The following ASPRV1 variants were observed in gnomAD, a reference collection of about 807,000 sequenced individuals.
ASPRV1 encodes aspartic peptidase retroviral like 1.
Under a neutral mutation model 11.0 loss-of-function variants are expected in ASPRV1, and 7 were observed. The observed-to-expected ratio is 0.64, with a 90% CI of 0.36 to 1.20. ASPRV1 has a LOEUF of 1.20. Among genes scored for constraint, ASPRV1 ranks in the 50% most tolerant of loss-of-function variants. The pLI, the probability that ASPRV1 is intolerant of heterozygous loss-of-function variation, is 0.02. For missense variants in ASPRV1, 299 were observed against 320.0 expected (o/e 0.93, Z 0.50); for synonymous variants, 136 against 138.4 (o/e 0.98, Z 0.12).
the ASPRV1 span, among the ~76,000 whole-genome samples, chr2:69,980,730 T>C: frequency 6.6e-6 from 1 of 152,170 alleles, no homozygotes; most frequent in Non-Finnish European, 1.5e-5. Flanking sequence ...GAATTCTCTC[T>C]ACTATCTTTT....
the ASPRV1 span, among the ~76,000 whole-genome samples, chr2:70,013,111 G>A: frequency 6.6e-6 from 1 of 152,200 alleles, no homozygotes; most frequent in African/African-American, 2.4e-5. Flanking sequence ...AGACTGAAAT[G>A]TGCCTACATT....
At chr2:69,987,359 C>T in the ASPRV1 span, among the ~76,000 whole-genome samples, 5 of 152,068 alleles carry the variant, frequency 3.3e-5, no homozygotes, top group African/African-American at 7.2e-5. Context: ...AGGAAACCCA[C>T]GGTGGGCTAT....
chr2:70,069,850 AAAGT>A, the ASPRV1 span, among the ~76,000 whole-genome samples: 4 of 152,130 alleles, frequency 2.6e-5, no homozygotes, highest in African/African-American at 7.2e-5. Context: ...TGAGTTCTAT[AAAGT>A]AAGGAGGTTG....
the ASPRV1 span, among the ~76,000 whole-genome samples, chr2:70,039,840 C>T: frequency 6.6e-6 from 1 of 152,202 alleles, no homozygotes; most frequent in African/African-American, 2.4e-5. Flanking sequence ...AGAACCACAT[C>T]CTAAACATCT....
chr2:70,042,306 A>T, the ASPRV1 span, among the ~76,000 whole-genome samples: 1 of 152,206 alleles, frequency 6.6e-6, no homozygotes, highest in African/African-American at 2.4e-5. Context: ...TAATTAGCGC[A>T]AAGAGCACTA....
chr2:69,943,511 G>T, the ASPRV1 span, among the ~76,000 whole-genome samples: 2 of 152,136 alleles, frequency 1.3e-5, no homozygotes, highest in Non-Finnish European at 2.9e-5. Context: ...GTGGGGCTGC[G>T]GTGTGGCCTG....
the ASPRV1 span, chr2:69,939,033 A>T: frequency 6.6e-6 from 1 of 152,254 alleles, no homozygotes; most frequent in Admixed American, 6.6e-5. Context: ...CTCGAGGCAC[A>T]TTCTCCCCTC....
rs1282327492 is a variant in ASPRV1 at position 69,961,338 on chromosome 2, C to T, written c.99G>A (p.Leu33=). Residue 33 remains leucine (L), a synonymous_variant, in exon 1 of 1, where the codon CTG becomes CTA. Transcript: ENST00000320256. The part of the protein sequence containing the change: ...DGANVVPNLW[L]HSFEVINDLN... The stretch of plus-strand genomic sequence containing the variant: ...GGTCATTGATGACTTCAAAGCTGTG[C>T]AGCCAGAGGTTTGGGACGACATTGG... The T allele has an allele frequency of 6.2e-7, 1 of 1,614,014 alleles. No individual in the cohort carries two copies. The highest frequency in any genetic ancestry group is 8.5e-7 in the Non-Finnish European group (1 of 1,180,044).
chr2:70,019,086 GT>G, the ASPRV1 span: 4 of 152,132 alleles, frequency 2.6e-5, no homozygotes, highest in African/African-American at 9.7e-5. Flanking sequence ...AATAACCAGA[GT>G]TTTAAAATGA....
chr2:70,053,852 A>G, the ASPRV1 span: 2 of 152,166 alleles, frequency 1.3e-5, no homozygotes, highest in Non-Finnish European at 2.9e-5. Context: ...ACAAAACCCA[A>G]AAGTAATCAC....
At chr2:70,029,592 T>TTGTGC in the ASPRV1 span, among the ~76,000 whole-genome samples, 8 of 152,078 alleles carry the variant, frequency 5.3e-5, no homozygotes, top group Non-Finnish European at 1.2e-4. Flanking sequence ...TGAGCCGAGA[T>TTGTGC]TGTGCCACTG....
chr2:70,052,707 A>T, the ASPRV1 span, among the ~76,000 whole-genome samples: 3 of 152,164 alleles, frequency 2.0e-5, no homozygotes, highest in Non-Finnish European at 4.4e-5. Context: ...CATAAGAAGG[A>T]TGGAAGGAAA....
the ASPRV1 span, chr2:69,968,312 C>G: frequency 6.6e-6 from 1 of 152,078 alleles, no homozygotes; most frequent in African/African-American, 2.4e-5. Context: ...GTGGGTAGAT[C>G]GCTTGAGGCC....
At chr2:69,955,225 C>G (rs1677911793), downstream of ASPRV1, among the ~76,000 whole-genome samples, 2 of 151,864 alleles carry the variant, frequency 1.3e-5, no homozygotes, top group Non-Finnish European at 2.9e-5. Flanking sequence ...ACCAGGTCAC[C>G]TCCCTGGAGC....
chr2:70,085,844 G>A, the ASPRV1 span: 1 of 152,204 alleles, frequency 6.6e-6, no homozygotes, highest in Non-Finnish European at 1.5e-5. Context: ...AAAAGTCAGA[G>A]GCACTGTAGT....
downstream of ASPRV1, among the ~76,000 whole-genome samples, chr2:69,957,887 C>A (rs901947025): frequency 2.0e-5 from 3 of 152,184 alleles, no homozygotes; most frequent in African/African-American, 7.2e-5. Flanking sequence ...TCCTTTCCAT[C>A]ATTGCAAAAG....
chr2:69,947,326 T>C, the ASPRV1 span, among the ~76,000 whole-genome samples: 4 of 152,150 alleles, frequency 2.6e-5, no homozygotes, highest in African/African-American at 9.7e-5. Context: ...AAAGTATTCT[T>C]TTGGAACTCA....
chr2:70,080,482 C>T, the ASPRV1 span, among the ~76,000 whole-genome samples: 9 of 152,282 alleles, frequency 5.9e-5, no homozygotes, highest in East Asian at 1.9e-4. Flanking sequence ...CCGCCTCGGC[C>T]GCCCAAAGTG....
At chr2:70,035,077 G>A in the ASPRV1 span, 1 of 152,286 alleles carries the variant, frequency 6.6e-6, no homozygotes, top group East Asian at 1.9e-4. Flanking sequence ...AGATGTGCCA[G>A]AGAAGTTCCG....
Sources: gnomAD v4.1 joint callset for allele counts (sites outside exome capture counted in the v4.1 genomes callset) on GRCh38, gnomAD v4.1.1 for gene constraint, MANE v1.5 for transcripts, NCBI Gene and HGNC (gene_info 2026-07-23, HGNC 2026-07-21) for gene names.